GMCL1: variants seen among roughly 807,000 people sequenced by gnomAD.
GMCL1 encodes germ cell-less protein-like 1.
A neutral mutation model predicts 75.5 loss-of-function variants in GMCL1; 54 were observed. The ratio of observed to expected loss-of-function variants is 0.71; its 90% confidence interval spans 0.57 to 0.90. The LOEUF (loss-of-function observed/expected upper bound fraction) is 0.90. Among genes scored for constraint, GMCL1 ranks in the 40% least tolerant of loss-of-function variants. The pLI, the probability that GMCL1 is intolerant of heterozygous loss-of-function variation, is 0.00. For synonymous variants in GMCL1, 210 were observed against 209.6 expected, an observed-to-expected ratio of 1.00 and a Z score of -0.02; for missense variants, 537 against 622.7, an observed-to-expected ratio of 0.86 and a Z score of 1.47.
At chr2:69,834,243 T>A (rs1674754791) in intron 1 of GMCL1, among the ~76,000 whole-genome samples, 1 of 152,202 alleles carries the variant, frequency 6.6e-6, no homozygotes, top group African/African-American at 2.4e-5. Flanking sequence ...AAACACACTT[T>A]CATGGAATCC....
intron 10 of GMCL1, among the ~76,000 whole-genome samples, chr2:69,863,245 T>C (rs1250020956): frequency 2.6e-5 from 4 of 152,332 alleles, no homozygotes; most frequent in Non-Finnish European, 5.9e-5. Context: ...CTGATTTTGG[T>C]TGAGAAAAAT....
intron 10 of GMCL1, 105 bp from the exon 11 acceptor site, chr2:69,864,795 A>C (rs1219751337): frequency 4.2e-6 from 3 of 722,040 alleles, no homozygotes; most frequent in Non-Finnish European, 6.9e-6. Flanking sequence ...ACAAAAACTT[A>C]TTTTTAAATC....
chr2:69,844,069 T>C, intron 5 of GMCL1, 62 bp from the exon 6 acceptor site: 1 of 756,406 alleles, frequency 1.3e-6, no homozygotes, highest in East Asian at 3.1e-5. Flanking sequence ...TAACTATAAG[T>C]CCTACTTAAT....
In GMCL1 at chr2:69,830,037, A is replaced by C; in HGVS notation, c.145A>C (p.Ser49Arg). The C allele has an allele frequency of 6.4e-7, 1 of 1,564,932 alleles. No individual in the cohort carries two copies. Among genetic ancestry groups the C allele is most frequent in the Non-Finnish European group, 8.7e-7 (1 of 1,154,396 alleles). Residue 49 changes from serine to arginine, a missense_variant, in exon 1 of 14, where the codon AGC (serine) becomes CGC (arginine). Around this residue, in one of 3 missense-constraint regions of GMCL1, gnomAD observed 144 missense variants for 127.2 expected, o/e 1.13. Transcript: ENST00000282570. ...AGHGFCYCAG[S>R]HKRKRSSGSF... ...CCACGGATTCTGTTACTGTGCGGGC[A>C]GCCACAAGCGCAAGCGGAGCAGCGG...
chr2:69,840,230 AC>A (rs1193156513), intron 3 of GMCL1: 1 of 152,100 alleles, frequency 6.6e-6, no homozygotes, highest in African/African-American at 2.4e-5. Flanking sequence ...AACATGGTGA[AC>A]CCCATCTCTA....
intron 8 of GMCL1, among the ~76,000 whole-genome samples, chr2:69,850,997 C>A (rs1005641315): frequency 2.0e-5 from 3 of 152,180 alleles, no homozygotes; most frequent in African/African-American, 7.2e-5. Context: ...TGTGAGATAT[C>A]TGTTCAGGTA....
chr2:69,834,800 T>C (rs183325016), intron 1 of GMCL1, among the ~76,000 whole-genome samples: 1 of 152,292 alleles, frequency 6.6e-6, no homozygotes, highest in Admixed American at 6.5e-5. Flanking sequence ...ATAATTTCCT[T>C]TCGCTTCTTA....
chr2:69,840,645 T>TA (rs1674957271), intron 3 of GMCL1, among the ~76,000 whole-genome samples: 1 of 152,190 alleles, frequency 6.6e-6, no homozygotes, highest in Admixed American at 6.5e-5. Context: ...AGGAGTATCT[T>TA]ATACAACTTC....
In GMCL1 at chr2:69,863,453, C is replaced by G. The variant is rs530833761; in HGVS notation, c.1143-1447C>G. On this transcript the variant is annotated intron_variant, in intron 10 of 13. Transcript: ENST00000282570. Reference sequence around the variant, plus strand: ...TGTCAAATTTCCCTCTGGGCTTCTCCTCATAAAACTCTTGTCTATGTTGCC... The same window carrying G: ...TGTCAAATTTCCCTCTGGGCTTCTCGTCATAAAACTCTTGTCTATGTTGCC... Among the ~76,000 whole-genome samples, 27 of 152,260 alleles carry G rather than the reference C, an allele frequency of 1.8e-4. No homozygotes were observed. The East Asian group carries it at 5.0e-3, about 28-fold the overall frequency.
intron 7 of GMCL1, among the ~76,000 whole-genome samples, chr2:69,849,286 C>T (rs969957798): frequency 2.6e-5 from 4 of 152,104 alleles, no homozygotes; most frequent in African/African-American, 9.7e-5. Flanking sequence ...TCTCTCACCT[C>T]AGCCTCTTGA....
chr2:69,831,959 G>T (rs1174278817), intron 1 of GMCL1, among the ~76,000 whole-genome samples: 1 of 152,180 alleles, frequency 6.6e-6, no homozygotes, highest in African/African-American at 2.4e-5. Flanking sequence ...AGTGGCTCAT[G>T]CCTATAATCC....
chr2:69,871,949 T>A, intron 13 of GMCL1, 117 bp downstream of exon 13: 1 of 664,154 alleles, frequency 1.5e-6, no homozygotes, highest in Non-Finnish European at 2.5e-6. Flanking sequence ...AAAGTTGGTT[T>A]AAAAGTCTTT....
In GMCL1 at chr2:69,881,306, ATG is replaced by A. The variant is rs1247894206; in HGVS notation, c.*2306_*2307del. ...TTTTGTTTTCTTACCAAATATTTTT[ATG>A]TGTTTCCAGAGTTCTTTTCAATAGA... On this transcript the variant is annotated 3_prime_UTR_variant, in exon 14 of 14. Coordinates refer to ENST00000282570, the MANE Select transcript of GMCL1 (RefSeq NM_178439.5). 4.6e-5 allele frequency: 7 copies of A among 152,192 alleles called. No homozygotes were observed. The highest frequency in any genetic ancestry group is 7.2e-5 in the African/African-American group (3 of 41,454). The allele number at this position is 152,192 out of a possible 1,614,324, so 9.4% of individuals were successfully genotyped here.
chr2:69,843,012 G>A, intron 4 of GMCL1, 137 bp from the exon 5 acceptor site: 3 of 308,876 alleles, frequency 9.7e-6, no homozygotes, highest in Non-Finnish European at 1.8e-5. Flanking sequence ...AAAAAACTTA[G>A]GTTTGCTGCA....
At chr2:69,876,426 A>G (rs768256759) in intron 13 of GMCL1, among the ~76,000 whole-genome samples, 14 of 152,214 alleles carry the variant, frequency 9.2e-5, no homozygotes, top group Non-Finnish European at 1.6e-4. Context: ...AATGAACATG[A>G]CATAGTGTTG....
intron 7 of GMCL1, among the ~76,000 whole-genome samples, chr2:69,848,527 C>G (rs1675219569): frequency 6.6e-6 from 1 of 152,068 alleles, no homozygotes; most frequent in African/African-American, 2.4e-5. Flanking sequence ...GGTAACATGG[C>G]AAAAACCCCT....
chr2:69,870,568 A>C (rs1675954987), intron 12 of GMCL1, among the ~76,000 whole-genome samples: 1 of 152,190 alleles, frequency 6.6e-6, no homozygotes, highest in African/African-American at 2.4e-5. Context: ...GACAGTGAAA[A>C]GGCAACCCAT....
chr2:69,843,195 A>C lies in GMCL1; in HGVS notation c.626A>C (p.Asn209Thr), dbSNP rs1296838980. 2 of 1,612,618 alleles carry C rather than the reference A, an allele frequency of 1.2e-6. No individual in the cohort carries two copies. Among genetic ancestry groups the C allele is most frequent in the South Asian group, 1.1e-5 (1 of 91,058 alleles). The stretch of plus-strand genomic sequence containing the variant: ...GGTGAGACAATGAAGGAAACAGTTA[A>C]TGTGAAAACTGTATGTGGCTATTAC... ...QCGETMKETV[N>T]VKTVCGYYTS... Residue 209 changes from asparagine (N) to threonine (T), a missense_variant, in exon 5 of 14, where the codon AAT (asparagine) becomes ACT (threonine). This residue lies in a region of GMCL1 where 345 missense variants were observed against 410.5 expected (regional missense o/e 0.84). Transcript: ENST00000282570.
chr2:69,864,114 T>C (rs10865380), intron 10 of GMCL1, among the ~76,000 whole-genome samples: 82,028 of 151,776 alleles, frequency 0.54, 22,995 homozygotes, highest in East Asian at 0.67. Context: ...ATAATTATTA[T>C]TTATGTCTAG....
Sources: allele counts gnomAD v4.1 joint callset (sites outside exome capture counted in the v4.1 genomes callset), GRCh38; gene constraint gnomAD v4.1.1; regional missense constraint gnomAD v4.1.1; transcripts MANE v1.5; gene names NCBI Gene and HGNC (gene_info 2026-07-23, HGNC 2026-07-21).